MYO16: variants seen among roughly 807,000 people sequenced by gnomAD.
MYO16 encodes myosin XVI, also known as unconventional myosin-XVI.
In MYO16, 94 loss-of-function variants were observed where a neutral mutation model predicts 205.3. That is an observed-to-expected ratio of 0.46 (90% CI 0.39 to 0.54). The LOEUF is 0.54. Among genes scored for constraint, MYO16 ranks in the 20% least tolerant of loss-of-function variants. The pLI is 0.00. For missense variants in MYO16, 2,315 were observed against 2,387.5 expected (o/e 0.97, Z 0.63); for synonymous variants, 988 against 954.0 (o/e 1.04, Z -0.66).
At chr13:109,030,168 CAA>C (rs10632019) in intron 23 of MYO16, among the ~76,000 whole-genome samples, 1 of 144,574 alleles carries the variant, frequency 6.9e-6, no homozygotes. Flanking sequence ...AGAAGGAAAG[CAA>C]AAAAAAAAAA....
chr13:108,850,501 C>T (rs17485138), intron 10 of MYO16, among the ~76,000 whole-genome samples: 29,783 of 152,136 alleles, frequency 0.2, 3,687 homozygotes, highest in Non-Finnish European at 0.26. Context: ...AGAATAAAAA[C>T]CATAATGGTC....
chr13:108,665,467 G>A (rs1219004307), intron 1 of MYO16, among the ~76,000 whole-genome samples: 7 of 152,000 alleles, frequency 4.6e-5, no homozygotes, highest in Admixed American at 2.0e-4. Flanking sequence ...ATCATGATAC[G>A]CAAAAGCAAA....
intron 27 of MYO16, chr13:109,065,653 C>A: frequency 2.4e-6 from 1 of 422,140 alleles, no homozygotes; most frequent in East Asian, 6.2e-5. Context: ...GTGGAATTCT[C>A]ATCCATACAT....
the MYO16 span, among the ~76,000 whole-genome samples, chr13:108,545,616 A>G: frequency 2.0e-5 from 3 of 152,232 alleles, no homozygotes; most frequent in Non-Finnish European, 4.4e-5. Flanking sequence ...CATTCCCACC[A>G]GCAGTGTACA....
intron 21 of MYO16, among the ~76,000 whole-genome samples, chr13:109,008,674 A>ACTGT (rs551373248): frequency 2.8e-5 from 4 of 142,052 alleles, no homozygotes; most frequent in Non-Finnish European, 4.6e-5. Context: ...GCACTACTGT[A>ACTGT]CTATCTTGTG....
chr13:109,188,375 T>C (rs1422746427), intron 34 of MYO16, among the ~76,000 whole-genome samples: 3 of 152,214 alleles, frequency 2.0e-5, no homozygotes, highest in Non-Finnish European at 1.5e-5. Flanking sequence ...TTCACTTTAA[T>C]GTATTCATCT....
intron 16 of MYO16, among the ~76,000 whole-genome samples, chr13:108,943,821 G>A (rs1352094441): frequency 1.3e-5 from 2 of 152,170 alleles, no homozygotes; most frequent in African/African-American, 2.4e-5. Flanking sequence ...TCCTGACCTC[G>A]TGATCCGCCC....
chr13:109,044,537 C>T (rs1022128357), intron 23 of MYO16, among the ~76,000 whole-genome samples: 9 of 151,818 alleles, frequency 5.9e-5, no homozygotes. Context: ...CACTGATACT[C>T]ACAGAATTTG....
At chr13:108,908,064 A>G (rs540397046) in intron 15 of MYO16, among the ~76,000 whole-genome samples, 1 of 152,318 alleles carries the variant, frequency 6.6e-6, no homozygotes, top group African/African-American at 2.4e-5. Flanking sequence ...TTTAAGGGGG[A>G]AAAAAGAAAA....
At chr13:108,940,702 A>G (rs1882688545) in intron 16 of MYO16, among the ~76,000 whole-genome samples, 1 of 152,222 alleles carries the variant, frequency 6.6e-6, no homozygotes, top group African/African-American at 2.4e-5. Flanking sequence ...ATTAAAAAGC[A>G]AGTCTTTAAT....
intron 2 of MYO16, among the ~76,000 whole-genome samples, chr13:108,681,414 G>A (rs1882457494): frequency 6.6e-6 from 1 of 152,114 alleles, no homozygotes; most frequent in Non-Finnish European, 1.5e-5. Flanking sequence ...CATTTCCAAT[G>A]TTGTTTCAGC....
In MYO16 at chr13:108,961,673, C is replaced by G. The variant is rs1883588834; in HGVS notation, c.2155+17C>G. 4 of 1,576,364 alleles carry G rather than the reference C, an allele frequency of 2.5e-6. No homozygotes were observed. Among genetic ancestry groups the G allele is most frequent in the Non-Finnish European group, 3.5e-6 (4 of 1,145,894 alleles). ...TGGAACAAGGTCAGTGGAACATGAC[C>G]TTCTGACATTAACCACATTGATGTG... is the stretch of plus-strand genomic sequence containing the variant. On this transcript the variant is annotated intron_variant, in intron 18 of 34. Coordinates refer to ENST00000457511, the MANE Select transcript of MYO16 (RefSeq NM_001198950.3).
At chr13:108,594,329 C>T (rs943188635), upstream of MYO16, among the ~76,000 whole-genome samples, 5 of 152,232 alleles carry the variant, frequency 3.3e-5, no homozygotes, top group African/African-American at 1.2e-4. Context: ...GCCTCACTGC[C>T]TGCATTCTCC....
chr13:108,648,642 T>A (rs932391471), intron 1 of MYO16, among the ~76,000 whole-genome samples: 8 of 151,984 alleles, frequency 5.3e-5, no homozygotes, highest in African/African-American at 1.9e-4. Flanking sequence ...AAGCTATACA[T>A]TCAAAAGAGG....
At chr13:108,773,272 G>T (rs148563612) in intron 4 of MYO16, among the ~76,000 whole-genome samples, 2 of 152,126 alleles carry the variant, frequency 1.3e-5, no homozygotes, top group African/African-American at 4.8e-5. Context: ...CATATAGTCC[G>T]TTGTATTAGA....
chr13:108,624,071 T>C (rs1879642028), intron 1 of MYO16, among the ~76,000 whole-genome samples: 1 of 152,202 alleles, frequency 6.6e-6, no homozygotes, highest in African/African-American at 2.4e-5. Context: ...AAGAGGCATA[T>C]TTTGTTTAAA....
chr13:108,625,755 T>C (rs929784018), upstream of MYO16, among the ~76,000 whole-genome samples: 1 of 152,200 alleles, frequency 6.6e-6, no homozygotes, highest in African/African-American at 2.4e-5. Context: ...TTGTGTGTGA[T>C]TTATATCTTC....
At chr13:108,928,497 T>C (rs1479169883) in intron 16 of MYO16, among the ~76,000 whole-genome samples, 1 of 152,150 alleles carries the variant, frequency 6.6e-6, no homozygotes, top group Non-Finnish European at 1.5e-5. Context: ...CAACATGGAA[T>C]TCTTGCATTT....
At chr13:109,206,486 G>A in intron 34 of MYO16, 123 bp from the exon 35 acceptor site, 1 of 708,084 alleles carries the variant, frequency 1.4e-6, no homozygotes, top group Non-Finnish European at 2.4e-6. Context: ...TGGAGATTGA[G>A]GAAAGAGGCT....
Sources: allele counts gnomAD v4.1 joint callset (sites outside exome capture counted in the v4.1 genomes callset), GRCh38; gene constraint gnomAD v4.1.1; transcripts MANE v1.5; gene names NCBI Gene and HGNC (gene_info 2026-07-23, HGNC 2026-07-21).